The following ATRNL1 variants were observed in gnomAD, a reference collection of about 807,000 sequenced individuals.
ATRNL1 encodes the protein attractin-like protein 1.
ATRNL1 carries 95 observed loss-of-function variants against 182.7 expected under a neutral mutation model. The ratio of observed to expected loss-of-function variants is 0.52; its 90% CI spans 0.44 to 0.62. ATRNL1 has a LOEUF of 0.62. Among genes scored for constraint, ATRNL1 ranks in the 20% least tolerant of loss-of-function variants. The pLI, the probability that ATRNL1 is intolerant of heterozygous loss-of-function variation, is 0.00. For synonymous variants in ATRNL1, 576 were observed against 568.3 expected (o/e 1.01, Z -0.19); for missense variants, 1,471 against 1,679.5 (o/e 0.88, Z 2.17).
intron 21 of ATRNL1, among the ~76,000 whole-genome samples, chr10:115,459,857 C>T (rs542723459): frequency 6.6e-6 from 1 of 152,172 alleles, no homozygotes; most frequent in African/African-American, 2.4e-5. Context: ...AGACACCCAG[C>T]TTTAAAATTT....
chr10:115,153,563 T>C (rs950746338), intron 5 of ATRNL1, among the ~76,000 whole-genome samples: 9 of 152,148 alleles, frequency 5.9e-5, no homozygotes, highest in African/African-American at 2.2e-4. Flanking sequence ...TGATATCCCC[T>C]TTATCATTTT....
intron 27 of ATRNL1, among the ~76,000 whole-genome samples, chr10:115,829,395 A>G (rs1482428536): frequency 2.0e-5 from 3 of 152,130 alleles, no homozygotes; most frequent in African/African-American, 7.2e-5. Context: ...ATAGGTAGAT[A>G]AAAACAACTT....
chr10:115,744,303 C>T (rs1042025052), intron 27 of ATRNL1, among the ~76,000 whole-genome samples: 8 of 152,036 alleles, frequency 5.3e-5, no homozygotes, highest in Admixed American at 4.6e-4. Context: ...AAATAATGTA[C>T]AGTGCTCTAT....
intron 26 of ATRNL1, among the ~76,000 whole-genome samples, chr10:115,677,568 G>C (rs539387333): frequency 7.7e-4 from 117 of 152,130 alleles, no homozygotes; most frequent in Non-Finnish European, 1.4e-3. Flanking sequence ...TTTATCAGGG[G>C]TTTCTGCTTT....
chr10:115,713,283 C>T (rs559064115), intron 26 of ATRNL1, among the ~76,000 whole-genome samples: 1 of 152,218 alleles, frequency 6.6e-6, no homozygotes, highest in East Asian at 1.9e-4. Flanking sequence ...TATTGAACAT[C>T]TTCTATCTAC....
intron 19 of ATRNL1, among the ~76,000 whole-genome samples, chr10:115,343,939 G>T (rs1554939041): frequency 1.3e-5 from 2 of 152,184 alleles, no homozygotes; most frequent in Admixed American, 6.5e-5. Context: ...GGATTACCAG[G>T]CAGAGACTAT....
At chr10:115,397,381 A>G (rs1233025671) in intron 20 of ATRNL1, among the ~76,000 whole-genome samples, 7 of 151,962 alleles carry the variant, frequency 4.6e-5, no homozygotes, top group Non-Finnish European at 1.0e-4. Context: ...CAGATATCAT[A>G]TCTTATATAT....
intron 28 of ATRNL1, among the ~76,000 whole-genome samples, chr10:115,943,031 C>T (rs1258856570): frequency 6.6e-6 from 1 of 152,194 alleles, no homozygotes; most frequent in African/African-American, 2.4e-5. Flanking sequence ...AAACAATATG[C>T]TTCTTAAATT....
intron 19 of ATRNL1, among the ~76,000 whole-genome samples, chr10:115,336,809 C>T (rs1280701169): frequency 1.3e-5 from 2 of 151,928 alleles, no homozygotes; most frequent in South Asian, 4.1e-4. Context: ...ACATAACAGA[C>T]ACTTAACTAT....
chr10:115,419,960 G>T (rs1265644479), intron 20 of ATRNL1, among the ~76,000 whole-genome samples: 1 of 151,562 alleles, frequency 6.6e-6, no homozygotes, highest in Non-Finnish European at 1.5e-5. Context: ...AACAGCTGCA[G>T]AAGGCACAGT....
In ATRNL1 at chr10:115,719,699, T is replaced by G. The variant is rs145076997; in HGVS notation, c.3796-7549T>G. On this transcript the variant is annotated intron_variant, in intron 26 of 28. Transcript: ENST00000355044. ...GTTTGCTCCATACTGCAAATTAGCA[T>G]GATCATCCCCCCGCCACCAAAAAAT... 1.4e-3 allele frequency among the ~76,000 whole-genome samples: 220 copies of G among 152,284 alleles called. 2 individuals carry two copies. The highest frequency in any genetic ancestry group is 5.0e-3 in the African/African-American group (209 of 41,550).
At chr10:115,912,416 TTG>T (rs35956227) in intron 28 of ATRNL1, among the ~76,000 whole-genome samples, 107,761 of 148,068 alleles carry the variant, frequency 0.73, 39,859 homozygotes, top group East Asian at 0.94. Context: ...ATATATATAT[TTG>T]TGTGTGTGTG....
rs868974934 is a variant in ATRNL1 at position 115,688,184 on chromosome 10, T to C, written c.3796-39064T>C. ...TAGCTGAGTAGCATTCCATTGTGTA[T>C]ATATATATTACATTTCCTTTACTCA... On this transcript the variant is annotated intron_variant, in intron 26 of 28. Transcript: ENST00000355044. Among the ~76,000 whole-genome samples, 47 of 152,146 alleles carry C rather than the reference T, an allele frequency of 3.1e-4. 2 individuals carry two copies. The highest frequency in any genetic ancestry group is 3.2e-3 in the Middle Eastern group (1 of 316).
At chr10:115,242,268 T>A (rs1185507504) in intron 10 of ATRNL1, among the ~76,000 whole-genome samples, 1 of 151,984 alleles carries the variant, frequency 6.6e-6, no homozygotes, top group African/African-American at 2.4e-5. Flanking sequence ...GAAACAACTA[T>A]ATAAGCATGT....
At chr10:115,363,169 C>T (rs1195473788) in intron 19 of ATRNL1, among the ~76,000 whole-genome samples, 4 of 149,208 alleles carry the variant, frequency 2.7e-5, no homozygotes, top group African/African-American at 7.4e-5. Flanking sequence ...TCTCCACATC[C>T]TCTCCAGCAC....
intron 17 of ATRNL1, among the ~76,000 whole-genome samples, chr10:115,308,361 T>G (rs1342700188): frequency 6.6e-6 from 1 of 152,084 alleles, no homozygotes; most frequent in Non-Finnish European, 1.5e-5. Context: ...CCCAAATGTA[T>G]AAAGGTTCAA....
chr10:115,325,123 T>C (rs2134044079), intron 18 of ATRNL1, among the ~76,000 whole-genome samples: 1 of 152,346 alleles, frequency 6.6e-6, no homozygotes, highest in South Asian at 2.1e-4. Flanking sequence ...TATCAAATGC[T>C]GAGTTGTCAT....
intron 27 of ATRNL1, among the ~76,000 whole-genome samples, chr10:115,799,058 C>G (rs782709005): frequency 2.6e-5 from 4 of 152,022 alleles, no homozygotes; most frequent in Non-Finnish European, 4.4e-5. Flanking sequence ...AACTCCTGAC[C>G]TCGTGTTCCG....
intron 26 of ATRNL1, among the ~76,000 whole-genome samples, chr10:115,575,985 A>G (rs539860387): frequency 6.6e-6 from 1 of 152,196 alleles, no homozygotes; most frequent in Non-Finnish European, 1.5e-5. Context: ...TATAGATGAG[A>G]TCATGCAGTA....
Sources: allele counts gnomAD v4.1 joint callset (sites outside exome capture counted in the v4.1 genomes callset), GRCh38; gene constraint gnomAD v4.1.1; transcripts MANE v1.5; gene names NCBI Gene and HGNC (gene_info 2026-07-23, HGNC 2026-07-21).